Variants in BCKDHB observed in about 807,000 individuals in gnomAD.
The protein encoded by BCKDHB is branched chain keto acid dehydrogenase E1 subunit beta.
Under a neutral mutation model 48.5 loss-of-function variants are expected in BCKDHB, and 41 were observed. That is an observed-to-expected ratio of 0.85 (90% CI 0.66 to 1.10). BCKDHB has a LOEUF of 1.10. BCKDHB is among the 50% of genes least tolerant of loss of function. BCKDHB has a pLI of 0.00. For synonymous variants in BCKDHB, 201 were observed against 174.8 expected (o/e 1.15, Z -1.18); for missense variants, 496 against 494.2 (o/e 1.00, Z -0.03).
At chr6:80,195,128 A>G (rs1265960497) in intron 6 of BCKDHB, among the ~76,000 whole-genome samples, 3 of 152,032 alleles carry the variant, frequency 2.0e-5, no homozygotes, top group Admixed American at 6.6e-5. Context: ...TTCTAATTAG[A>G]TGGTATCTTC....
Position 80,127,548 on chromosome 6 carries a change from G to A in BCKDHB, c.198G>A (p.Gly66=). The A allele has an allele frequency of 6.2e-7, 1 of 1,611,938 alleles. No individual in the cohort carries two copies. Among genetic ancestry groups the A allele is most frequent in the Admixed American group, 1.7e-5 (1 of 59,872 alleles). Reference sequence around the variant, plus strand: ...TGATTTTTTTTTTGATTTTCACAGGGCAAACTCAGAAAATGAATCTTTTCC... The same window carrying A: ...TGATTTTTTTTTTGATTTTCACAGGACAAACTCAGAAAATGAATCTTTTCC... ...FQPDPEPREY[G]QTQKMNLFQS... Residue 66 remains glycine, a splice_region_variant and synonymous_variant, in exon 2 of 10, where the codon GGG becomes GGA. Transcript: ENST00000320393.
At chr6:80,259,071 G>A (rs909341044) in intron 8 of BCKDHB, among the ~76,000 whole-genome samples, 76 of 152,262 alleles carry the variant, frequency 5.0e-4, no homozygotes, top group Middle Eastern at 3.4e-3. Flanking sequence ...AGTATTGAAG[G>A]CAGTGTAGAT....
chr6:80,343,817 GTATGC>G lies in BCKDHB; in HGVS notation c.*14_*18del. 1 of 1,613,680 alleles carries G rather than the reference GTATGC, an allele frequency of 6.2e-7. No individual in the cohort carries two copies. Among genetic ancestry groups the G allele is most frequent in the Non-Finnish European group, 8.5e-7 (1 of 1,179,726 alleles). On this transcript the variant is annotated 3_prime_UTR_variant, in exon 10 of 10. Coordinates refer to ENST00000320393, the MANE Select transcript of BCKDHB (RefSeq NM_183050.4). ...GATCAACTATTGACCATATAGGTAG[GTATGC>G]ATCTTGAGAAAGCTACTATGTGCCC...
chr6:80,280,635 A>G (rs1326584242), intron 9 of BCKDHB, among the ~76,000 whole-genome samples: 4 of 149,636 alleles, frequency 2.7e-5, no homozygotes, highest in African/African-American at 1.0e-4. Context: ...GTGAAAAAAT[A>G]TGTATATAAA....
At chr6:80,306,837 T>G (rs901614893) in intron 9 of BCKDHB, among the ~76,000 whole-genome samples, 1 of 152,212 alleles carries the variant, frequency 6.6e-6, no homozygotes, top group Non-Finnish European at 1.5e-5. Flanking sequence ...GTTGGCTTGA[T>G]GCCTCCTGGA....
At chr6:80,437,058 C>A in the BCKDHB span, among the ~76,000 whole-genome samples, 1 of 152,120 alleles carries the variant, frequency 6.6e-6, no homozygotes, top group Non-Finnish European at 1.5e-5. Flanking sequence ...AAGATTTAGG[C>A]ATTATTTTAA....
At chr6:80,370,814 ATATATG>A in the BCKDHB span, among the ~76,000 whole-genome samples, 73 of 147,846 alleles carry the variant, frequency 4.9e-4, no homozygotes, top group Admixed American at 1.1e-3. Context: ...GTGTGTATAT[ATATATG>A]TGTGTGTGTG....
At chr6:80,313,091 G>A (rs1426157610) in intron 9 of BCKDHB, among the ~76,000 whole-genome samples, 7 of 152,078 alleles carry the variant, frequency 4.6e-5, no homozygotes, top group African/African-American at 1.7e-4. Context: ...ATTTATTACT[G>A]CCTCAATTTC....
At chr6:80,338,689 A>G (rs1015934646) in intron 9 of BCKDHB, among the ~76,000 whole-genome samples, 1 of 152,194 alleles carries the variant, frequency 6.6e-6, no homozygotes, top group East Asian at 1.9e-4. Flanking sequence ...ATTATTTAAA[A>G]TACCTTGTGC....
Position 80,322,685 on chromosome 6 carries a change from A to G in BCKDHB, c.1039-20979A>G, listed in dbSNP as rs375255612. ...TATACTCACAAAAGAAGGACTTTAA[A>G]GTTGCAAAAATAGCATGCATCAAGA... On this transcript the variant is annotated intron_variant, in intron 9 of 9. Transcript: ENST00000320393. 3.9e-5 allele frequency among the ~76,000 whole-genome samples: 6 copies of G among 152,188 alleles called. No individual in the cohort carries two copies. In the East Asian group the frequency reaches 7.7e-4, roughly 20 times the overall value.
chr6:80,298,564 GAT>G (rs1272268014), intron 9 of BCKDHB, among the ~76,000 whole-genome samples: 1 of 152,198 alleles, frequency 6.6e-6, no homozygotes, highest in Non-Finnish European at 1.5e-5. Flanking sequence ...AGGTAGAACA[GAT>G]ATCAAATCAG....
the BCKDHB span, among the ~76,000 whole-genome samples, chr6:80,404,817 G>A: frequency 6.6e-5 from 10 of 152,050 alleles, no homozygotes; most frequent in Admixed American, 3.3e-4. Flanking sequence ...GTTTAGTAGA[G>A]TGTTGCTTAA....
At chr6:80,173,801 C>G (rs200553725) in intron 6 of BCKDHB, among the ~76,000 whole-genome samples, 2 of 127,870 alleles carry the variant, frequency 1.6e-5, no homozygotes, top group Non-Finnish European at 3.4e-5. Flanking sequence ...TTCTACTTTT[C>G]CTTTTTTTTT....
At chr6:80,417,675 GT>G in the BCKDHB span, among the ~76,000 whole-genome samples, 8 of 152,178 alleles carry the variant, frequency 5.3e-5, no homozygotes, top group African/African-American at 1.9e-4. Flanking sequence ...ACCTCTTCTG[GT>G]TTGTAGGGTT....
At chr6:80,278,910 G>A (rs1429344505) in intron 9 of BCKDHB, among the ~76,000 whole-genome samples, 1 of 152,034 alleles carries the variant, frequency 6.6e-6, no homozygotes, top group Admixed American at 6.5e-5. Flanking sequence ...GGTTTGACCT[G>A]TTGAGCTTTA....
chr6:80,376,779 A>G, the BCKDHB span, among the ~76,000 whole-genome samples: 1 of 152,176 alleles, frequency 6.6e-6, no homozygotes, highest in Non-Finnish European at 1.5e-5. Context: ...AAACTTAAGA[A>G]CTTGAAAGAG....
At chr6:80,203,461 T>C (rs1489978045) in intron 8 of BCKDHB, among the ~76,000 whole-genome samples, 1 of 152,122 alleles carries the variant, frequency 6.6e-6, no homozygotes, top group African/African-American at 2.4e-5. Context: ...GGGTCCTTTA[T>C]GCAGTCACCT....
chr6:80,245,315 GA>G (rs1333341282), intron 8 of BCKDHB, among the ~76,000 whole-genome samples: 1 of 149,258 alleles, frequency 6.7e-6, no homozygotes, highest in Non-Finnish European at 1.5e-5. Flanking sequence ...AGGAATTGAA[GA>G]AAAAACGACC....
intron 8 of BCKDHB, among the ~76,000 whole-genome samples, chr6:80,213,257 C>T (rs1026714443): frequency 3.3e-5 from 5 of 152,030 alleles, no homozygotes; most frequent in Admixed American, 2.0e-4. Context: ...TTAAGTTTTG[C>T]TTTGACCTTG....
Sources: gnomAD v4.1 joint callset for allele counts (sites outside exome capture counted in the v4.1 genomes callset) on GRCh38, gnomAD v4.1.1 for gene constraint, MANE v1.5 for transcripts, NCBI Gene and HGNC (gene_info 2026-07-23, HGNC 2026-07-21) for gene names.